ENPP1: variants seen among roughly 807,000 people sequenced by gnomAD.
ENPP1 encodes ectonucleotide pyrophosphatase/phosphodiesterase family member 1.
Under a neutral mutation model 122.8 loss-of-function variants are expected in ENPP1, and 73 were observed. The observed-to-expected ratio is 0.59, with a 90% CI of 0.49 to 0.72. The LOEUF is 0.72. Ranked by LOEUF, ENPP1 falls within the 30% of genes least tolerant of loss-of-function variation. The pLI is 0.00. For synonymous variants in ENPP1, 367 were observed against 391.6 expected (o/e 0.94, Z 0.74); for missense variants, 978 against 1,128.1 (o/e 0.87, Z 1.91).
chr6:131,826,765 G>T, intron 1 of ENPP1: 1 of 465,678 alleles, frequency 2.1e-6, no homozygotes, highest in South Asian at 2.2e-5. Flanking sequence ...TGCAAGTAGA[G>T]GGTCCTTGGA....
chr6:131,848,040 A>G (rs557493534), intron 2 of ENPP1, among the ~76,000 whole-genome samples, 192 bp downstream of exon 2: 12 of 152,312 alleles, frequency 7.9e-5, no homozygotes, highest in African/African-American at 2.4e-5. Context: ...ATAAAGTTCT[A>G]CTTACAAAAC....
intron 9 of ENPP1, among the ~76,000 whole-genome samples, chr6:131,863,541 T>C (rs1054634571): frequency 1.1e-4 from 16 of 152,116 alleles, no homozygotes; most frequent in Non-Finnish European, 2.9e-5. Flanking sequence ...GTTAGTGTTC[T>C]TTATGGTTCC....
At chr6:131,874,956 C>A (rs1048775181) in intron 16 of ENPP1, among the ~76,000 whole-genome samples, 2 of 151,984 alleles carry the variant, frequency 1.3e-5, no homozygotes, top group Non-Finnish European at 2.9e-5. Context: ...TGAAATAACT[C>A]AAACAAAAAG....
chr6:131,877,497 T>C (rs990829671), intron 18 of ENPP1: 3 of 359,686 alleles, frequency 8.3e-6, no homozygotes, highest in Non-Finnish European at 1.1e-5. Context: ...CTGTTAACTC[T>C]AGCAGTGAGG....
At chr6:131,873,170 T>C in intron 15 of ENPP1, 120 bp downstream of exon 15, 1 of 1,167,166 alleles carries the variant, frequency 8.6e-7, no homozygotes, top group Non-Finnish European at 1.3e-6. Context: ...TTCTCTTCAC[T>C]CTAACCCAGG....
At chr6:131,836,663 A>G (rs993267790) in intron 1 of ENPP1, among the ~76,000 whole-genome samples, 2 of 152,196 alleles carry the variant, frequency 1.3e-5, no homozygotes, top group Non-Finnish European at 2.9e-5. Flanking sequence ...ACATGATGGC[A>G]TACGTCCAGC....
At chr6:131,887,650 C>G (rs1448871070) in intron 24 of ENPP1, among the ~76,000 whole-genome samples, 1 of 146,108 alleles carries the variant, frequency 6.8e-6, no homozygotes, top group African/African-American at 2.6e-5. Flanking sequence ...GCTCCGCCTT[C>G]TGGGCTCACG....
At chr6:131,869,827 GC>G (rs1468343556) in intron 13 of ENPP1, among the ~76,000 whole-genome samples, 2 of 137,102 alleles carry the variant, frequency 1.5e-5, no homozygotes, top group African/African-American at 5.7e-5. Context: ...CTGTACTCCA[GC>G]CTGGGCAACT....
At chr6:131,864,454 A>G in intron 9 of ENPP1, 52 bp from the exon 10 acceptor site, 2 of 1,188,954 alleles carry the variant, frequency 1.7e-6, no homozygotes, top group Non-Finnish European at 1.3e-6. Context: ...ACTATATTTT[A>G]CACCCAAACA....
chr6:131,852,889 G>GT lies in ENPP1; in HGVS notation c.617+661dup, dbSNP rs542920795. The stretch of plus-strand genomic sequence containing the variant: ...ATTTTTTTAAAATAATTCATATTTG[G>GT]TTTTTTTGTCCTTCAGATATTTTGT... On this transcript the variant is annotated intron_variant, in intron 5 of 24. Coordinates refer to ENST00000647893, the MANE Select transcript of ENPP1 (RefSeq NM_006208.3). Among the ~76,000 whole-genome samples, 993 of 151,630 alleles carry GT rather than the reference G, an allele frequency of 6.5e-3. 5 individuals are homozygous for GT. The highest frequency in any genetic ancestry group is 0.021 in the African/African-American group (881 of 41,342).
At chr6:131,878,512 C>T (rs1782264011) in intron 18 of ENPP1, 30 bp from the exon 19 acceptor site, 1 of 1,443,276 alleles carries the variant, frequency 6.9e-7, no homozygotes, top group Admixed American at 1.7e-5. Context: ...GTCTCTCAGT[C>T]CTTAAAAATA....
intron 1 of ENPP1, among the ~76,000 whole-genome samples, chr6:131,810,929 G>T (rs1169108515): frequency 1.3e-5 from 2 of 152,092 alleles, no homozygotes; most frequent in African/African-American, 4.8e-5. Flanking sequence ...GAGGCTTTTG[G>T]CCCTGGGCCC....
rs574549711 is a variant in ENPP1, at chr6:131,871,341, A to G, written c.1406-729A>G. On this transcript the variant is annotated intron_variant, in intron 13 of 24. Coordinates refer to ENST00000647893, the MANE Select transcript of ENPP1 (RefSeq NM_006208.3). Reference sequence around the variant, plus strand: ...ATTGATTTGTAGTAGAAAGTACCCTATGTAAATCCATGGGCATACTATGCA... The same window carrying G: ...ATTGATTTGTAGTAGAAAGTACCCTGTGTAAATCCATGGGCATACTATGCA... Among the ~76,000 whole-genome samples, 418 of 152,328 alleles carry G rather than the reference A, an allele frequency of 2.7e-3. 2 individuals carry two copies. The highest frequency in any genetic ancestry group is 5.0e-3 in the Non-Finnish European group (340 of 68,030).
In ENPP1 at chr6:131,891,207, A is replaced by G. The variant is rs1157701126; in HGVS notation, c.*696A>G. 2.1e-5 allele frequency: 3 copies of G among 146,010 alleles called. No individual in the cohort carries two copies. Among genetic ancestry groups the G allele is most frequent in the African/African-American group, 8.3e-5 (3 of 36,296 alleles). 9.0% of individuals were successfully genotyped at this position (146,010 alleles called of 1,614,324 possible). On this transcript the variant is annotated 3_prime_UTR_variant, in exon 25 of 25. Transcript: ENST00000647893. ...TTATAAAATCTTACTTTGTATTTGTATTTAAAAAAGAAAAATATTCCTATC... is the reference window on the plus strand; with the variant it reads ...TTATAAAATCTTACTTTGTATTTGTGTTTAAAAAAGAAAAATATTCCTATC...
chr6:131,866,323 G>A (rs147921906), intron 11 of ENPP1, among the ~76,000 whole-genome samples: 18 of 152,196 alleles, frequency 1.2e-4, no homozygotes, highest in African/African-American at 3.6e-4. Context: ...TTGGATAGTC[G>A]GTGAGCCTTA....
At chr6:131,862,164 C>G (rs1385126662) in intron 9 of ENPP1, among the ~76,000 whole-genome samples, 1 of 151,764 alleles carries the variant, frequency 6.6e-6, no homozygotes, top group Non-Finnish European at 1.5e-5. Context: ...AGCGAAACTC[C>G]CTATCAAAAA....
At chr6:131,884,843 T>A in intron 22 of ENPP1, 88 bp from the exon 23 acceptor site, 1 of 1,429,248 alleles carries the variant, frequency 7.0e-7, no homozygotes. Context: ...CTATAAATGC[T>A]AATTTTGAAT....
intron 1 of ENPP1, among the ~76,000 whole-genome samples, chr6:131,829,364 C>G (rs1056453417): frequency 5.9e-5 from 9 of 152,138 alleles, no homozygotes; most frequent in Non-Finnish European, 1.2e-4. Context: ...GACAATTTTT[C>G]TTTTCTTTTT....
chr6:131,871,960 C>T, intron 13 of ENPP1, 110 bp from the exon 14 acceptor site: 1 of 849,664 alleles, frequency 1.2e-6, no homozygotes, highest in Non-Finnish European at 2.0e-6. Flanking sequence ...TCTTTAAAAC[C>T]TGCCTTGGTA....
Sources: gnomAD v4.1 joint callset for allele counts (sites outside exome capture counted in the v4.1 genomes callset) on GRCh38, gnomAD v4.1.1 for gene constraint, MANE v1.5 for transcripts, NCBI Gene and HGNC (gene_info 2026-07-23, HGNC 2026-07-21) for gene names.